The following ZBTB44 variants were observed in gnomAD, a reference collection of about 807,000 sequenced individuals.
The protein encoded by ZBTB44 is zinc finger and BTB domain containing 44.
A neutral mutation model predicts 54.0 loss-of-function variants in ZBTB44; 15 were observed. The ratio of observed to expected loss-of-function variants is 0.28; its 90% confidence interval spans 0.19 to 0.43. The LOEUF is 0.43. Ranked by LOEUF, ZBTB44 falls within the 20% of genes least tolerant of loss-of-function variation. The pLI, the probability that ZBTB44 is intolerant of heterozygous loss-of-function variation, is 1.00. For synonymous variants in ZBTB44, 230 were observed against 250.1 expected, an observed-to-expected ratio of 0.92 and a Z score of 0.76; for missense variants, 487 against 707.1, an observed-to-expected ratio of 0.69 and a Z score of 3.53.
chr11:130,266,644 T>C (rs148841555), intron 1 of ZBTB44, among the ~76,000 whole-genome samples: 4 of 152,306 alleles, frequency 2.6e-5, no homozygotes, highest in South Asian at 2.1e-4. Context: ...TTGGACAAGA[T>C]TGATTCCAGC....
chr11:130,245,248 C>T (rs1340354621), intron 2 of ZBTB44, among the ~76,000 whole-genome samples: 1 of 152,140 alleles, frequency 6.6e-6, no homozygotes, highest in African/African-American at 2.4e-5. Flanking sequence ...TGCTTTTCCC[C>T]TATGTCTACT....
At chr11:130,250,760 C>G (rs1303880227) in intron 2 of ZBTB44, among the ~76,000 whole-genome samples, 1 of 152,156 alleles carries the variant, frequency 6.6e-6, no homozygotes, top group Non-Finnish European at 1.5e-5. Flanking sequence ...AACCTCCACA[C>G]AGACGCCCCA....
chr11:130,255,996 GAC>G (rs1374007659), intron 2 of ZBTB44, among the ~76,000 whole-genome samples: 1 of 149,964 alleles, frequency 6.7e-6, no homozygotes, highest in Non-Finnish European at 1.5e-5. Context: ...AGATTCACCA[GAC>G]AGATTCACAG....
At chr11:130,308,940 A>T (rs1354554105) in intron 1 of ZBTB44, among the ~76,000 whole-genome samples, 1 of 152,254 alleles carries the variant, frequency 6.6e-6, no homozygotes, top group East Asian at 1.9e-4. Context: ...AAGAAAAAGC[A>T]GATAAGGTAT....
At chr11:130,313,993 C>A (rs1292703220) in intron 1 of ZBTB44, among the ~76,000 whole-genome samples, 1 of 151,224 alleles carries the variant, frequency 6.6e-6, no homozygotes, top group Non-Finnish European at 1.5e-5. Flanking sequence ...CCATCTTTTT[C>A]TTTCTGTACC....
intron 1 of ZBTB44, among the ~76,000 whole-genome samples, chr11:130,309,156 T>C (rs188518479): frequency 7.2e-4 from 109 of 152,284 alleles, no homozygotes; most frequent in African/African-American, 2.2e-3. Flanking sequence ...CAGCAAGCCA[T>C]TGTCTCCTGG....
chr11:130,249,173 G>T (rs1374294703), intron 2 of ZBTB44, among the ~76,000 whole-genome samples: 1 of 152,116 alleles, frequency 6.6e-6, no homozygotes, highest in African/African-American at 2.4e-5. Flanking sequence ...GGTAAAGGAT[G>T]ACTATTTCAC....
At position 130,227,703 on chromosome 11, in the gene ZBTB44, A is replaced by G. The variant is rs1388807234; in HGVS notation, c.*4061T>C. ...GGAGCCAGCTTTATGTTAGCCCTGT[A>G]AAATATTGAGCTACTGTAGCAGCAA... On this transcript the variant is annotated 3_prime_UTR_variant, in exon 8 of 8. Transcript: ENST00000357899. 1 of 152,236 alleles carries G rather than the reference A, an allele frequency of 6.6e-6. No homozygotes were observed. The highest frequency in any genetic ancestry group is 1.5e-5 in the Non-Finnish European group (1 of 68,044). The allele number at this position is 152,236 out of a possible 1,614,324, so 9.4% of individuals were successfully genotyped here.
intron 1 of ZBTB44, among the ~76,000 whole-genome samples, chr11:130,292,537 TAA>T (rs1221027842): frequency 6.6e-6 from 1 of 152,134 alleles, no homozygotes; most frequent in Non-Finnish European, 1.5e-5. Flanking sequence ...AAAAAATAAA[TAA>T]AAGTGTGCAT....
intron 5 of ZBTB44, among the ~76,000 whole-genome samples, chr11:130,235,465 G>A (rs761787147): frequency 3.9e-5 from 6 of 152,066 alleles, no homozygotes; most frequent in Non-Finnish European, 8.8e-5. Flanking sequence ...TGGTTTGAAG[G>A]GAAAAACAAA....
At chr11:130,237,321 G>A (rs1335363129) in intron 4 of ZBTB44, among the ~76,000 whole-genome samples, 1 of 152,136 alleles carries the variant, frequency 6.6e-6, no homozygotes, top group Non-Finnish European at 1.5e-5. Context: ...GGCAAACTAG[G>A]TAACGTCTAC....
intron 1 of ZBTB44, among the ~76,000 whole-genome samples, chr11:130,293,672 C>T (rs551661205): frequency 1.3e-4 from 19 of 151,274 alleles, no homozygotes; most frequent in African/African-American, 4.6e-4. Context: ...TGGTGCACGC[C>T]GTCATCTCAG....
rs757939150 is a variant in ZBTB44, at chr11:130,261,701, G to C, written c.173C>G (p.Thr58Ser). 1.5e-5 allele frequency: 24 copies of C among 1,614,026 alleles called. No homozygotes were observed. In the East Asian group the frequency reaches 5.3e-4, roughly 36 times the overall value. The change falls in exon 2 of 8, where the codon ACC (threonine) becomes AGC (serine). Residue 58 changes from threonine to serine, a missense_variant. Coordinates refer to ENST00000357899, the MANE Select transcript of ZBTB44 (RefSeq NM_001301098.2). This position sits in a 1 kb window ranked among gnomAD's most constrained non-coding sequence, Gnocchi z 4.8. Reference protein sequence around the residue: ...VLAACSDFFRTKLVGQAEDEN... With the variant: ...VLAACSDFFRSKLVGQAEDEN... ...ATCCTCGGCTTGGCCTACAAGTTTG[G>C]TGCGAAAGAAATCACTGCAAGCTGC...
chr11:130,289,312 G>A (rs958386894), intron 1 of ZBTB44, among the ~76,000 whole-genome samples: 3 of 151,852 alleles, frequency 2.0e-5, no homozygotes, highest in Admixed American at 6.6e-5. Flanking sequence ...GTGAAACCCC[G>A]TCTCTACTAA....
intron 1 of ZBTB44, among the ~76,000 whole-genome samples, chr11:130,301,625 T>C (rs556566159): frequency 5.3e-5 from 8 of 152,164 alleles, no homozygotes; most frequent in South Asian, 2.1e-4. Flanking sequence ...GACTGTGCCA[T>C]TGCACTCCAG....
chr11:130,281,247 CG>C (rs1000775064), intron 1 of ZBTB44, among the ~76,000 whole-genome samples: 6 of 152,072 alleles, frequency 3.9e-5, no homozygotes, highest in African/African-American at 1.4e-4. Flanking sequence ...AGGCCGGGCG[CG>C]GTGGCTCACG....
At chr11:130,275,447 G>A (rs956666804) in intron 1 of ZBTB44, among the ~76,000 whole-genome samples, 4 of 152,162 alleles carry the variant, frequency 2.6e-5, no homozygotes, top group African/African-American at 9.7e-5. Context: ...CCAAAGTGCT[G>A]AGATTAAAGG....
intron 1 of ZBTB44, among the ~76,000 whole-genome samples, chr11:130,302,051 CAAAA>C (rs35397908): frequency 3.4e-5 from 3 of 87,752 alleles, no homozygotes; most frequent in African/African-American, 6.8e-5. Context: ...GACCCTGTCT[CAAAA>C]AAAAAAAAAA....
rs777931992 is a variant in ZBTB44, at chr11:130,261,063, T to A, written c.811A>T (p.Thr271Ser). The A allele has an allele frequency of 9.3e-6, 15 of 1,614,004 alleles. No individual in the cohort carries two copies. The highest frequency in any genetic ancestry group is 1.2e-5 in the Non-Finnish European group (14 of 1,179,874). ...ETGRRMADYV[T>S]CESTKTTLPL... ...AAGGTAGTTTTTGTGCTCTCACAAG[T>A]CACATAATCAGCCATTCTTCTACCG... The change falls in exon 2 of 8, where the codon ACT becomes TCT. Residue 271 changes from threonine (T) to serine (S), a missense_variant. Thr to Ser is a moderately conservative substitution (Grantham distance 58, BLOSUM62 1). Around this residue, in one of 3 missense-constraint regions of ZBTB44, gnomAD observed 277 missense variants for 306.5 expected, o/e 0.90. Coordinates refer to ENST00000357899, the MANE Select transcript of ZBTB44 (RefSeq NM_001301098.2). This position sits in a 1 kb window ranked among gnomAD's most constrained non-coding sequence, Gnocchi z 4.8.
Sources: gnomAD v4.1 joint callset for allele counts (sites outside exome capture counted in the v4.1 genomes callset) on GRCh38, gnomAD v4.1.1 for gene constraint, gnomAD v4.1.1 regional missense constraint, Gnocchi (gnomAD v3.1) non-coding constraint, MANE v1.5 for transcripts, NCBI Gene and HGNC (gene_info 2026-07-23, HGNC 2026-07-21) for gene names.